Variants in FOXP2 observed in about 807,000 individuals in gnomAD.
FOXP2 encodes the protein forkhead box protein P2.
FOXP2 carries 12 observed loss-of-function variants against 115.8 expected under a neutral mutation model. That is an observed-to-expected ratio of 0.10 (90% CI 0.07 to 0.17). The LOEUF is 0.17. Ranked by LOEUF, FOXP2 falls within the 10% of genes least tolerant of loss-of-function variation. The pLI, the probability that FOXP2 is intolerant of heterozygous loss-of-function variation, is 1.00. For missense variants in FOXP2, 629 were observed against 843.5 expected, an observed-to-expected ratio of 0.75 and a Z score of 3.15; for synonymous variants, 328 against 297.7, an observed-to-expected ratio of 1.10 and a Z score of -1.05.
chr7:114,421,934 G>A (rs1413826234), intron 1 of FOXP2, among the ~76,000 whole-genome samples: 4 of 151,680 alleles, frequency 2.6e-5, no homozygotes, highest in African/African-American at 7.3e-5. Flanking sequence ...TTAAATCACA[G>A]TCAAGTTTTC....
At chr7:114,502,254 T>C (rs922583412) in intron 2 of FOXP2, among the ~76,000 whole-genome samples, 3 of 152,114 alleles carry the variant, frequency 2.0e-5, no homozygotes, top group Admixed American at 6.6e-5. Flanking sequence ...TTATGAATAT[T>C]CCATATATAT....
intron 1 of FOXP2, among the ~76,000 whole-genome samples, chr7:114,101,900 TG>T (rs1349498607): frequency 0.11 from 551 of 4,864 alleles, 7 homozygotes; most frequent in African/African-American, 0.25. Flanking sequence ...TTCAACATTT[TG>T]TGTGTGTGTG....
intron 2 of FOXP2, among the ~76,000 whole-genome samples, chr7:114,396,968 G>A (rs1236253319): frequency 4.6e-5 from 7 of 151,904 alleles, no homozygotes; most frequent in South Asian, 2.1e-4. Flanking sequence ...TTACATCTAT[G>A]TAAAACAATT....
rs183196530 is a variant in FOXP2 at position 114,571,651 on chromosome 7, C to T, written c.258+36945C>T. Among the ~76,000 whole-genome samples the T allele has an allele frequency of 1.6e-3, 249 of 151,842 alleles. 4 individuals carry two copies. In the East Asian group the frequency reaches 0.029, roughly 18 times the overall value. On this transcript the variant is annotated intron_variant, in intron 3 of 16. Coordinates refer to ENST00000350908, the MANE Select transcript of FOXP2 (RefSeq NM_014491.4). ...CGAAAATTTTCATACATTTTTCTTC[C>T]TTATCATTATTCCCCAAAGAAAACA...
At chr7:114,507,638 T>G (rs1195544218) in intron 2 of FOXP2, among the ~76,000 whole-genome samples, 1 of 151,908 alleles carries the variant, frequency 6.6e-6, no homozygotes, top group Admixed American at 6.6e-5. Context: ...GGTAATAATA[T>G]TGGCTTGTCC....
At chr7:114,498,046 T>C (rs1006155990) in intron 2 of FOXP2, among the ~76,000 whole-genome samples, 29 of 152,328 alleles carry the variant, frequency 1.9e-4, no homozygotes, top group African/African-American at 7.0e-4. Context: ...CACTATTATC[T>C]ATGATACCGA....
intron 1 of FOXP2, among the ~76,000 whole-genome samples, chr7:114,107,443 C>A (rs1249033654): frequency 6.6e-6 from 1 of 151,862 alleles, no homozygotes. Flanking sequence ...TTGAAAATAC[C>A]AAGCTTTTAA....
chr7:114,152,562 A>G (rs1472388987), intron 1 of FOXP2, among the ~76,000 whole-genome samples: 3 of 152,170 alleles, frequency 2.0e-5, no homozygotes, highest in Admixed American at 2.0e-4. Context: ...TCATTAAACA[A>G]GAAGAGGTAA....
chr7:114,508,802 A>C (rs1015479186), intron 2 of FOXP2, among the ~76,000 whole-genome samples: 1 of 152,090 alleles, frequency 6.6e-6, no homozygotes, highest in African/African-American at 2.4e-5. Context: ...TAAGCCAACA[A>C]GAGATAAGAC....
chr7:114,581,624 C>T (rs1801873423), intron 3 of FOXP2, among the ~76,000 whole-genome samples: 1 of 152,092 alleles, frequency 6.6e-6, no homozygotes, highest in African/African-American at 2.4e-5. Flanking sequence ...TCATTATCTC[C>T]CTGAGTCCAT....
intron 2 of FOXP2, among the ~76,000 whole-genome samples, chr7:114,476,645 A>G (rs1221108389): frequency 6.6e-6 from 1 of 151,840 alleles, no homozygotes; most frequent in Admixed American, 6.6e-5. Context: ...TTTTTTTTCT[A>G]ATTCTGTCAA....
intron 6 of FOXP2, among the ~76,000 whole-genome samples, chr7:114,640,989 T>C (rs73440415): frequency 0.02 from 3,045 of 152,270 alleles, 107 homozygotes; most frequent in African/African-American, 0.07. Context: ...CAGAATATAG[T>C]AAATACTCTC....
At chr7:114,299,258 G>T (rs368619349) in intron 2 of FOXP2, among the ~76,000 whole-genome samples, 5 of 152,072 alleles carry the variant, frequency 3.3e-5, no homozygotes. Flanking sequence ...TATCTTGGGT[G>T]AAGATGTATG....
Position 114,628,957 on chromosome 7 carries a change from T to C in FOXP2, c.396+280T>C, listed in dbSNP as rs1804743424. On this transcript the variant is annotated intron_variant, in intron 4 of 16. Coordinates refer to ENST00000350908, the MANE Select transcript of FOXP2 (RefSeq NM_014491.4). ...TTAAATATTCAAATGCTTAGGTACA[T>C]TCAATTTGTTGACTTGCCAAAAAAA... The C allele has an allele frequency of 8.1e-6, 3 of 372,390 alleles. No individual in the cohort carries two copies. In the South Asian group the frequency reaches 8.6e-5, roughly 11 times the overall value. 23.1% of individuals were successfully genotyped at this position (372,390 alleles called of 1,614,324 possible).
At chr7:114,586,394 T>C (rs1802130379) in intron 3 of FOXP2, among the ~76,000 whole-genome samples, 1 of 152,138 alleles carries the variant, frequency 6.6e-6, no homozygotes, top group South Asian at 2.1e-4. Context: ...TAATGTGATT[T>C]ATTGGAAGTG....
intron 11 of FOXP2, among the ~76,000 whole-genome samples, chr7:114,659,139 C>T (rs1806743173): frequency 6.6e-6 from 1 of 152,146 alleles, no homozygotes; most frequent in African/African-American, 2.4e-5. Context: ...TCGCACAGTT[C>T]CTGAAGTACC....
chr7:114,455,350 C>A (rs1246499439), intron 2 of FOXP2, among the ~76,000 whole-genome samples: 2 of 152,296 alleles, frequency 1.3e-5, no homozygotes, highest in East Asian at 1.9e-4. Context: ...CTAACCATAT[C>A]TAGAACCATT....
chr7:114,503,146 G>A (rs182490902), intron 2 of FOXP2, among the ~76,000 whole-genome samples: 6 of 151,912 alleles, frequency 3.9e-5, no homozygotes, highest in African/African-American at 1.4e-4. Flanking sequence ...GAAGTTTATT[G>A]GATCCCCTTT....
chr7:114,176,300 C>CTTTCTT (rs778137071), intron 1 of FOXP2, among the ~76,000 whole-genome samples: 55 of 106,936 alleles, frequency 5.1e-4, no homozygotes, highest in African/African-American at 1.5e-3. Context: ...TTCTTTCTTT[C>CTTTCTT]TCTCTCTCTC....
Sources: allele counts gnomAD v4.1 joint callset (sites outside exome capture counted in the v4.1 genomes callset), GRCh38; gene constraint gnomAD v4.1.1; transcripts MANE v1.5; gene names NCBI Gene and HGNC (gene_info 2026-07-23, HGNC 2026-07-21).